The following CMSS1 variants were observed in gnomAD, a reference collection of about 807,000 sequenced individuals.
CMSS1 encodes the protein protein CMSS1.
Under a neutral mutation model 43.5 loss-of-function variants are expected in CMSS1, and 33 were observed. The ratio of observed to expected loss-of-function variants is 0.76; its 90% CI spans 0.57 to 1.01. The LOEUF (loss-of-function observed/expected upper bound fraction) is 1.01. Ranked by LOEUF, CMSS1 falls within the 50% of genes least tolerant of loss-of-function variation. The pLI is 0.00. For missense variants in CMSS1, 313 were observed against 326.4 expected (o/e 0.96, Z 0.32); for synonymous variants, 115 against 117.2 (o/e 0.98, Z 0.12).
chr3:99,994,846 C>T lies in CMSS1; in HGVS notation c.65-152127C>T, dbSNP rs140632608. Among the ~76,000 whole-genome samples, 705 of 152,292 alleles carry T rather than the reference C, an allele frequency of 4.6e-3. 2 individuals carry two copies. The highest frequency in any genetic ancestry group is 7.1e-3 in the South Asian group (34 of 4,822). ...CAGATCTCATGAGACTTATTCACTA[C>T]CACGAGAACAGTATGGGAGAAACTG... On this transcript the variant is annotated intron_variant, in intron 1 of 9. Coordinates refer to ENST00000421999, the MANE Select transcript of CMSS1 (RefSeq NM_032359.4).
In CMSS1 at chr3:99,918,193, G is replaced by T. The variant is rs9852857; in HGVS notation, c.64+100150G>T. Among the ~76,000 whole-genome samples the T allele has an allele frequency of 5.0e-3, 764 of 152,164 alleles. 6 individuals carry two copies. The highest frequency in any genetic ancestry group is 0.017 in the African/African-American group (721 of 41,492). On this transcript the variant is annotated intron_variant, in intron 1 of 9. Coordinates refer to ENST00000421999, the MANE Select transcript of CMSS1 (RefSeq NM_032359.4). Reference sequence around the variant, plus strand: ...GGGTTTCACCATTTTGGCCAGGCTGGTCTCGAACCCTTGACCTCATTATCT... The same window carrying T: ...GGGTTTCACCATTTTGGCCAGGCTGTTCTCGAACCCTTGACCTCATTATCT...
At chr3:100,120,850 GA>G (rs1312109934) in intron 1 of CMSS1, among the ~76,000 whole-genome samples, 1 of 152,010 alleles carries the variant, frequency 6.6e-6, no homozygotes, top group African/African-American at 2.4e-5. Context: ...GAGTAAGAAG[GA>G]GGGCATTCTA....
chr3:99,912,944 C>T (rs1343621785), intron 1 of CMSS1, among the ~76,000 whole-genome samples: 1 of 152,104 alleles, frequency 6.6e-6, no homozygotes, highest in Non-Finnish European at 1.5e-5. Context: ...ATGTTGAAAT[C>T]ATAACTCCCA....
chr3:99,819,823 C>T (rs1214574467), intron 1 of CMSS1, among the ~76,000 whole-genome samples: 2 of 150,472 alleles, frequency 1.3e-5, no homozygotes, highest in Non-Finnish European at 2.9e-5. Flanking sequence ...GGCACGATCT[C>T]GGCTCACTGC....
At chr3:99,892,101 CTG>C (rs1706100972) in intron 1 of CMSS1, among the ~76,000 whole-genome samples, 1 of 152,188 alleles carries the variant, frequency 6.6e-6, no homozygotes, top group African/African-American at 2.4e-5. Flanking sequence ...TACCAAACCT[CTG>C]TGAGAAATAG....
rs546759371 is a variant in CMSS1, at chr3:100,076,396, C to T, written c.65-70577C>T. 5.3e-5 allele frequency among the ~76,000 whole-genome samples: 8 copies of T among 152,326 alleles called. No individual in the cohort carries two copies. The Middle Eastern group carries it at 0.014, about 259-fold the overall frequency. The stretch of plus-strand genomic sequence containing the variant: ...AACTGAGCTGTTTTTACTCACCACC[C>T]GCCCAACACCCTTCTTTTTCTTTTA... On this transcript the variant is annotated intron_variant, in intron 1 of 9. Coordinates refer to ENST00000421999, the MANE Select transcript of CMSS1 (RefSeq NM_032359.4).
At chr3:99,965,831 T>C (rs1708633310) in intron 1 of CMSS1, among the ~76,000 whole-genome samples, 1 of 152,162 alleles carries the variant, frequency 6.6e-6, no homozygotes. Flanking sequence ...TGCAAGCAGT[T>C]GCAGTTTTCC....
At chr3:100,123,759 T>C (rs529484531) in intron 1 of CMSS1, among the ~76,000 whole-genome samples, 3 of 152,348 alleles carry the variant, frequency 2.0e-5, no homozygotes, top group African/African-American at 7.2e-5. Context: ...TCAGAAGTGC[T>C]GTCTTTCAGG....
At chr3:99,853,943 A>G (rs1012973986) in intron 1 of CMSS1, among the ~76,000 whole-genome samples, 3 of 152,214 alleles carry the variant, frequency 2.0e-5, no homozygotes, top group Admixed American at 1.3e-4. Flanking sequence ...GCCCTGATGG[A>G]ATCTTTTCAG....
At chr3:99,954,526 A>G (rs1263793185) in intron 1 of CMSS1, among the ~76,000 whole-genome samples, 1 of 152,160 alleles carries the variant, frequency 6.6e-6, no homozygotes, top group African/African-American at 2.4e-5. Context: ...TTTCCTCATT[A>G]TAAAATAAGA....
chr3:100,135,762 C>T lies in CMSS1; in HGVS notation c.65-11211C>T, dbSNP rs142751870. Among the ~76,000 whole-genome samples, 23 of 152,134 alleles carry T rather than the reference C, an allele frequency of 1.5e-4. No individual in the cohort carries two copies. The East Asian group carries it at 2.7e-3, about 18-fold the overall frequency. ...GCAGCTAGTGACAGAAATTTTGTAG[C>T]ATTTAAGCATCCCATAAAAAGTTGA... On this transcript the variant is annotated intron_variant, in intron 1 of 9. Transcript: ENST00000421999.
chr3:100,072,862 C>CGA (rs1178599107), intron 1 of CMSS1, among the ~76,000 whole-genome samples: 1 of 152,220 alleles, frequency 6.6e-6, no homozygotes, highest in Admixed American at 6.5e-5. Flanking sequence ...CCCCCATAAA[C>CGA]TACCTACCCA....
intron 1 of CMSS1, among the ~76,000 whole-genome samples, chr3:99,874,880 T>G (rs889313850): frequency 1.1e-4 from 16 of 152,214 alleles, no homozygotes; most frequent in African/African-American, 2.9e-4. Context: ...CTGTTAAACT[T>G]TTACTGTACC....
In CMSS1 at chr3:99,908,702, G is replaced by A. The variant is rs1378819647; in HGVS notation, c.64+90659G>A. 3.3e-5 allele frequency among the ~76,000 whole-genome samples: 5 copies of A among 152,156 alleles called. No homozygotes were observed. In the South Asian group the frequency reaches 1.0e-3, roughly 32 times the overall value. On this transcript the variant is annotated intron_variant, in intron 1 of 9. Coordinates refer to ENST00000421999, the MANE Select transcript of CMSS1 (RefSeq NM_032359.4). ...ACCTCCTTTAAAAGGTTGTTAGGAG[G>A]ATTAAATGAGATAATCTACTGTGCT...
intron 1 of CMSS1, among the ~76,000 whole-genome samples, chr3:100,017,651 G>T (rs1052939370): frequency 1.1e-4 from 16 of 152,210 alleles, no homozygotes; most frequent in African/African-American, 3.9e-4. Context: ...TGAGCCAGAT[G>T]TGGTGGCATG....
chr3:99,921,441 C>T (rs547413852), intron 1 of CMSS1, among the ~76,000 whole-genome samples: 2 of 152,214 alleles, frequency 1.3e-5, no homozygotes, highest in Admixed American at 6.5e-5. Context: ...GAAGGGTGGA[C>T]GTGAATGGGC....
At chr3:99,843,627 T>A (rs2107510499) in intron 1 of CMSS1, among the ~76,000 whole-genome samples, 1 of 152,286 alleles carries the variant, frequency 6.6e-6, no homozygotes, top group African/African-American at 2.4e-5. Context: ...CTACTGAATA[T>A]CATGGCTTTG....
At chr3:100,055,882 C>A (rs1298549064) in intron 1 of CMSS1, among the ~76,000 whole-genome samples, 2 of 152,136 alleles carry the variant, frequency 1.3e-5, no homozygotes, top group African/African-American at 4.8e-5. Context: ...TTCATAACTA[C>A]CTTCAAGGAG....
chr3:100,176,352 A>G lies in CMSS1; in HGVS notation c.693A>G (p.Lys231=), dbSNP rs1478715859. 3 of 1,613,472 alleles carry G rather than the reference A, an allele frequency of 1.9e-6. No individual in the cohort carries two copies. Among genetic ancestry groups the G allele is most frequent in the Non-Finnish European group, 1.7e-6 (2 of 1,179,598 alleles). Reference sequence around the variant, plus strand: ...GTGGCCTTAATTTGAGCCCCTTAAAATTTCTGGTTTTTGACTGGAACTGGA... The same window carrying G: ...GTGGCCTTAATTTGAGCCCCTTAAAGTTTCTGGTTTTTGACTGGAACTGGA... ...KQGGLNLSPL[K]FLVFDWNWRD... is the part of the protein sequence containing the mutation. Residue 231 remains lysine, a synonymous_variant, in exon 9 of 10, where the codon AAA becomes AAG. Transcript: ENST00000421999.
Sources: gnomAD v4.1 joint callset for allele counts (sites outside exome capture counted in the v4.1 genomes callset) on GRCh38, gnomAD v4.1.1 for gene constraint, MANE v1.5 for transcripts, NCBI Gene and HGNC (gene_info 2026-07-23, HGNC 2026-07-21) for gene names.